INIP: variants seen among roughly 807,000 people sequenced by gnomAD.
The protein encoded by INIP is INTS3 and NABP interacting protein, also known as SOSS complex subunit C.
Under a neutral mutation model 14.0 loss-of-function variants are expected in INIP, and 9 were observed. The ratio of observed to expected loss-of-function variants is 0.64; its 90% CI spans 0.39 to 1.12. The LOEUF (loss-of-function observed/expected upper bound fraction) is 1.12. Among genes scored for constraint, INIP ranks in the 50% most tolerant of loss-of-function variants. The pLI is 0.01. For synonymous variants in INIP, 37 were observed against 41.5 expected (o/e 0.89, Z 0.41); for missense variants, 78 against 122.7 (o/e 0.64, Z 1.72).
chr9:112,688,845 T>TA (rs753908215), intron 4 of INIP, among the ~76,000 whole-genome samples: 2 of 151,984 alleles, frequency 1.3e-5, no homozygotes, highest in African/African-American at 2.4e-5. Context: ...ACCTTGTCTC[T>TA]AAAAAATAGA....
intron 3 of INIP, among the ~76,000 whole-genome samples, chr9:112,692,606 C>T (rs371398572): frequency 5.1e-4 from 77 of 151,848 alleles, no homozygotes; most frequent in African/African-American, 1.7e-3. Context: ...AGGGAAGATA[C>T]TAAATATGGC....
chr9:112,692,727 C>T (rs1405172196), intron 3 of INIP, among the ~76,000 whole-genome samples: 1 of 146,032 alleles, frequency 6.8e-6, no homozygotes, highest in South Asian at 2.2e-4. Context: ...AAAAACCATA[C>T]AAAACTCAAA....
chr9:112,695,788 GGGAGGGGGA>G (rs1203871891), intron 2 of INIP, among the ~76,000 whole-genome samples: 2 of 144,382 alleles, frequency 1.4e-5, no homozygotes, highest in East Asian at 2.2e-4. Flanking sequence ...GAGGGGGAGG[GGGAGGGGGA>G]GGAGGAGGAG....
At chr9:112,701,573 A>C (rs1838301131) in intron 2 of INIP, among the ~76,000 whole-genome samples, 1 of 152,236 alleles carries the variant, frequency 6.6e-6, no homozygotes, top group African/African-American at 2.4e-5. Context: ...GAGGAATCCA[A>C]AGGTGAGTTC....
intron 1 of INIP, 24 bp from the exon 2 acceptor site, chr9:112,716,565 A>G: frequency 1.7e-6 from 2 of 1,144,236 alleles, no homozygotes; most frequent in Non-Finnish European, 2.7e-6. Context: ...GTACACACAT[A>G]TACAATGCAC....
intron 2 of INIP, among the ~76,000 whole-genome samples, chr9:112,694,480 T>TA (rs1395685912): frequency 6.6e-6 from 1 of 152,248 alleles, no homozygotes; most frequent in Non-Finnish European, 1.5e-5. Flanking sequence ...ATATTATATT[T>TA]AAAGTGTAGC....
chr9:112,708,565 T>C (rs1176235692), intron 2 of INIP, among the ~76,000 whole-genome samples: 3 of 152,204 alleles, frequency 2.0e-5, no homozygotes, highest in South Asian at 4.1e-4. Context: ...TAAATATGCA[T>C]TAGTTTTCTA....
intron 2 of INIP, among the ~76,000 whole-genome samples, chr9:112,711,000 G>A (rs924959752): frequency 2.6e-5 from 4 of 151,268 alleles, no homozygotes; most frequent in African/African-American, 4.9e-5. Flanking sequence ...GCAACAAAGC[G>A]AGACCCTGTT....
intron 2 of INIP, among the ~76,000 whole-genome samples, chr9:112,697,248 C>A (rs906969391): frequency 6.6e-6 from 1 of 152,176 alleles, no homozygotes; most frequent in Non-Finnish European, 1.5e-5. Context: ...GTGGCTCATA[C>A]CTGTAATCCC....
At chr9:112,709,103 C>T (rs1350900183) in intron 2 of INIP, among the ~76,000 whole-genome samples, 1 of 152,024 alleles carries the variant, frequency 6.6e-6, no homozygotes, top group Non-Finnish European at 1.5e-5. Flanking sequence ...TTTAAAACTA[C>T]TGCCACTTTT....
chr9:112,696,953 G>A (rs1043671816), intron 2 of INIP, among the ~76,000 whole-genome samples: 1 of 152,100 alleles, frequency 6.6e-6, no homozygotes, highest in African/African-American at 2.4e-5. Flanking sequence ...TCCTTTTGGG[G>A]TTTTCTGGAG....
chr9:112,692,325 C>A (rs1705819137), intron 3 of INIP, among the ~76,000 whole-genome samples: 1 of 152,126 alleles, frequency 6.6e-6, no homozygotes, highest in Non-Finnish European at 1.5e-5. Flanking sequence ...CTTACTATAT[C>A]ATCCAGGCTG....
intron 2 of INIP, among the ~76,000 whole-genome samples, chr9:112,703,855 C>G (rs1300194130): frequency 1.3e-5 from 2 of 151,968 alleles, no homozygotes; most frequent in Admixed American, 6.6e-5. Flanking sequence ...ATAATTACAG[C>G]TAAGTGGAAT....
chr9:112,707,484 G>A (rs10817373), intron 2 of INIP, among the ~76,000 whole-genome samples: 2 of 151,020 alleles, frequency 1.3e-5, no homozygotes, highest in African/African-American at 2.4e-5. Flanking sequence ...ACTCCCACAC[G>A]TTTCTTTTTT....
At chr9:112,696,866 C>T (rs558565714) in intron 2 of INIP, among the ~76,000 whole-genome samples, 115 of 152,316 alleles carry the variant, frequency 7.6e-4, no homozygotes, top group Admixed American at 1.6e-3. Context: ...GGACATGGAG[C>T]TTTAACACTC....
intron 2 of INIP, among the ~76,000 whole-genome samples, chr9:112,715,213 G>A (rs1838772710): frequency 1.3e-5 from 2 of 150,648 alleles, no homozygotes; most frequent in African/African-American, 2.4e-5. Flanking sequence ...TACCTGTATA[G>A]GGCATTTACC....
At chr9:112,687,777 A>T in intron 4 of INIP, 144 bp from the exon 5 acceptor site, 1 of 510,080 alleles carries the variant, frequency 2.0e-6, no homozygotes, top group African/African-American at 1.9e-5. Context: ...TATTGCTGAG[A>T]TGGAATTTAT....
At chr9:112,713,845 G>A (rs550776528) in intron 2 of INIP, among the ~76,000 whole-genome samples, 12 of 152,176 alleles carry the variant, frequency 7.9e-5, no homozygotes, top group African/African-American at 1.4e-4. Flanking sequence ...TTAGCCAGGC[G>A]CAGTGGCACG....
At chr9:112,698,264 A>G (rs889637608) in intron 2 of INIP, among the ~76,000 whole-genome samples, 19 of 141,726 alleles carry the variant, frequency 1.3e-4, no homozygotes, top group Admixed American at 4.0e-4. Flanking sequence ...AGATTATGCC[A>G]CTGCACTTCA....
Sources: gnomAD v4.1 joint callset for allele counts (sites outside exome capture counted in the v4.1 genomes callset) on GRCh38, gnomAD v4.1.1 for gene constraint, MANE v1.5 for transcripts, NCBI Gene and HGNC (gene_info 2026-07-23, HGNC 2026-07-21) for gene names.